BRSK1: variants seen among roughly 807,000 people sequenced by gnomAD.
The protein encoded by BRSK1 is serine/threonine-protein kinase BRSK1.
A neutral mutation model predicts 86.2 loss-of-function variants in BRSK1; 17 were observed. That is an observed-to-expected ratio of 0.20 (90% CI 0.14 to 0.30). BRSK1 has a LOEUF of 0.30. BRSK1 is among the 10% of genes least tolerant of loss of function. The pLI is 1.00. For missense variants in BRSK1, 719 were observed against 1,071.9 expected (o/e 0.67, Z 4.60); for synonymous variants, 464 against 440.1 (o/e 1.05, Z -0.68).
At chr19:55,285,285 G>A (rs2088294107) in intron 1 of BRSK1, among the ~76,000 whole-genome samples, 1 of 152,136 alleles carries the variant, frequency 6.6e-6, no homozygotes, top group South Asian at 2.1e-4. Flanking sequence ...GAGTCTGAGG[G>A]AGGAGGGCGG....
Position 55,304,942 on chromosome 19 carries a change from A to G in BRSK1, c.1717+22A>G. 1 of 1,602,318 alleles carries G rather than the reference A, an allele frequency of 6.2e-7. No individual in the cohort carries two copies. The highest frequency in any genetic ancestry group is 8.5e-7 in the Non-Finnish European group (1 of 1,179,186). On this transcript the variant is annotated intron_variant, in intron 14 of 18. Coordinates refer to ENST00000309383, the MANE Select transcript of BRSK1 (RefSeq NM_032430.2). The surrounding 1 kb of genome is among the most constrained non-coding windows in gnomAD (Gnocchi z 5.2). Reference sequence around the variant, plus strand: ...CAGGGTATGGGGGCATGAACTGCCGAGTCCTAATGTGGGGAGAGGTTGGGG... The same window carrying G: ...CAGGGTATGGGGGCATGAACTGCCGGGTCCTAATGTGGGGAGAGGTTGGGG...
Position 55,284,491 on chromosome 19 carries a change from C to CGGCG in BRSK1, c.49_50insGGCG (p.Leu17ArgfsTer34). ...AGGTGGGGGCTCTCCCGCCTACCAC[C>CGGCG]TCCCCCACCCCCACCCCCACCCACC... On this transcript the variant is annotated frameshift_variant, in exon 1 of 19. Coordinates refer to ENST00000309383, the MANE Select transcript of BRSK1 (RefSeq NM_032430.2). LOFTEE classifies it high-confidence loss of function. 8.8e-7 allele frequency: 1 copy of CGGCG among 1,138,126 alleles called. No homozygotes were observed. The highest frequency in any genetic ancestry group is 1.2e-6 in the Non-Finnish European group (1 of 849,186). 70.5% of individuals were successfully genotyped at this position (1,138,126 alleles called of 1,614,324 possible).
At chr19:55,311,187 C>G (rs1245145155) in intron 18 of BRSK1, among the ~76,000 whole-genome samples, 1 of 152,142 alleles carries the variant, frequency 6.6e-6, no homozygotes, top group Admixed American at 6.5e-5. Context: ...GTCTCAAACT[C>G]CTGACCTCAA....
chr19:55,295,035 C>T (rs2088465187), intron 7 of BRSK1, among the ~76,000 whole-genome samples: 1 of 152,200 alleles, frequency 6.6e-6, no homozygotes, highest in Non-Finnish European at 1.5e-5. Context: ...CTCCTGGCCT[C>T]AAGTGATCCA....
rs1020823727 is a variant in BRSK1 at position 55,303,522 on chromosome 19, C to G, written c.1126+114C>G. On this transcript the variant is annotated intron_variant, in intron 11 of 18. Coordinates refer to ENST00000309383, the MANE Select transcript of BRSK1 (RefSeq NM_032430.2). This position sits in a 1 kb window ranked among gnomAD's most constrained non-coding sequence, Gnocchi z 5.1. ...GGGGCTGCAGGCTCTGAGCTTCCAGCTTTAGACTGCTTGACTTGCTCTTTG... is the reference window on the plus strand; with the variant it reads ...GGGGCTGCAGGCTCTGAGCTTCCAGGTTTAGACTGCTTGACTTGCTCTTTG... The G allele has an allele frequency of 2.7e-6, 4 of 1,477,164 alleles. No homozygotes were observed. In the African/African-American group the frequency reaches 5.6e-5, roughly 21 times the overall value. The allele number at this position is 1,477,164 out of a possible 1,614,324, so 91.5% of individuals were successfully genotyped here.
chr19:55,295,733 C>T (rs1191140567), intron 7 of BRSK1, among the ~76,000 whole-genome samples: 4 of 152,144 alleles, frequency 2.6e-5, no homozygotes, highest in East Asian at 1.9e-4. Context: ...TTCAGGAGGC[C>T]GAGCGGAGGC....
intron 8 of BRSK1, 148 bp from the exon 9 acceptor site, chr19:55,301,989 C>G (rs1600185377): frequency 1.0e-6 from 1 of 998,520 alleles, no homozygotes; most frequent in Non-Finnish European, 1.6e-6. Context: ...TCAGTCGCCA[C>G]TAGAGGGCGA....
intron 4 of BRSK1, among the ~76,000 whole-genome samples, chr19:55,293,543 T>A (rs2088440290): frequency 6.6e-6 from 1 of 150,884 alleles, no homozygotes; most frequent in African/African-American, 2.4e-5. Context: ...CTGGGTGCTG[T>A]GGTTCACACC....
Position 55,284,440 on chromosome 19 carries a change from A to T in BRSK1, c.-3A>T. The T allele has an allele frequency of 8.1e-7, 1 of 1,239,964 alleles. No homozygotes were observed. Among genetic ancestry groups the T allele is most frequent in the South Asian group, 2.2e-5 (1 of 44,472 alleles). 76.8% of individuals were successfully genotyped at this position (1,239,964 alleles called of 1,614,324 possible). On this transcript the variant is annotated 5_prime_UTR_variant, in exon 1 of 19. Coordinates refer to ENST00000309383, the MANE Select transcript of BRSK1 (RefSeq NM_032430.2). Reference sequence around the variant, plus strand: ...GACCGGTCGGGCCGGGACCAAGGGCACCATGTCGTCCGGGGCCAAGGAGGG... The same window carrying T: ...GACCGGTCGGGCCGGGACCAAGGGCTCCATGTCGTCCGGGGCCAAGGAGGG...
At chr19:55,298,319 T>C (rs1297058165) in intron 7 of BRSK1, among the ~76,000 whole-genome samples, 1 of 141,242 alleles carries the variant, frequency 7.1e-6, no homozygotes, top group Non-Finnish European at 1.5e-5. Context: ...ACCTCCTGGG[T>C]TCAAGTTATT....
chr19:55,297,585 T>C (rs553427031), intron 7 of BRSK1, among the ~76,000 whole-genome samples: 1 of 152,128 alleles, frequency 6.6e-6, no homozygotes, highest in Non-Finnish European at 1.5e-5. Context: ...CACCACTCCA[T>C]GGGGAGAGCA....
chr19:55,305,000 C>G lies in BRSK1; in HGVS notation c.1717+80C>G, dbSNP rs2088628213. On this transcript the variant is annotated intron_variant, in intron 14 of 18. Transcript: ENST00000309383. This position sits in a 1 kb window ranked among gnomAD's most constrained non-coding sequence, Gnocchi z 5.2. Reference sequence around the variant, plus strand: ...TCTGGTTCCAGGGATGTCCGTCTGGCGTGTCTAGAGAGGAAGGGACTGGGG... The same window carrying G: ...TCTGGTTCCAGGGATGTCCGTCTGGGGTGTCTAGAGAGGAAGGGACTGGGG... 5.7e-6 allele frequency: 9 copies of G among 1,567,370 alleles called. No homozygotes were observed. In the South Asian group the frequency reaches 1.0e-4, roughly 18 times the overall value.
chr19:55,305,763 G>A (rs1230875059), intron 16 of BRSK1, among the ~76,000 whole-genome samples, 177 bp downstream of exon 16: 1 of 152,164 alleles, frequency 6.6e-6, no homozygotes, highest in Admixed American at 6.5e-5. Context: ...CGTGGCCAGA[G>A]GCCTGGAATT....
chr19:55,296,575 G>A lies in BRSK1; in HGVS notation c.678+2178G>A, dbSNP rs569644573. Among the ~76,000 whole-genome samples the A allele has an allele frequency of 1.6e-3, 243 of 152,108 alleles. 2 individuals carry two copies. Among genetic ancestry groups the A allele is most frequent in the Admixed American group, 0.013 (204 of 15,252 alleles). ...AAAGTAGCCAGGCATTGCCGGGCGC[G>A]GTGGCTCACGCCTGTAATCACAGCA... On this transcript the variant is annotated intron_variant, in intron 7 of 18. Transcript: ENST00000309383.
rs780234706 is a variant in BRSK1, at chr19:55,304,769, C to A, written c.1566C>A (p.His522Gln). 3 of 1,548,666 alleles carry A rather than the reference C, an allele frequency of 1.9e-6. No individual in the cohort carries two copies. In the South Asian group the frequency reaches 3.5e-5, roughly 18 times the overall value. The change falls in exon 14 of 19, where the codon CAC becomes CAA. Residue 522 changes from histidine (H) to glutamine (Q), a missense_variant. His to Gln is a conservative substitution (Grantham distance 24, BLOSUM62 0). This residue lies in a region of BRSK1 where 143 missense variants were observed against 120.1 expected (regional missense o/e 1.19). Transcript: ENST00000309383. This position sits in a 1 kb window ranked among gnomAD's most constrained non-coding sequence, Gnocchi z 5.2. ...SGGTPLHSPL[H>Q]TPRASPTGTP... ...GGACCCCCTTGCACTCGCCTCTGCA[C>A]ACGCCCCGGGCCAGTCCCACCGGGA...
chr19:55,289,407 T>C (rs2088370695), intron 3 of BRSK1, 73 bp from the exon 4 acceptor site: 1 of 1,522,610 alleles, frequency 6.6e-7, no homozygotes, highest in African/African-American at 1.4e-5. Flanking sequence ...CAGGAGCCAG[T>C]GGAAGTGGGA....
intron 18 of BRSK1, 24 bp from the exon 19 acceptor site, chr19:55,311,887 G>A (rs766718500): frequency 2.5e-6 from 4 of 1,609,462 alleles, no homozygotes; most frequent in Middle Eastern, 3.3e-4. Context: ...CGGAACCCAC[G>A]AAAAACCTCT....
Position 55,308,682 on chromosome 19 carries a change from A to G in BRSK1, c.2133A>G (p.Ala711=), listed in dbSNP as rs779392484. ...RFKRVVETIQ[A]QLLSTHDQPS... ...AGCGAGTGGTGGAGACCATCCAGGC[A>G]CAGCTCCTGAGCACTCATGACCAGC... Residue 711 remains alanine (A), a synonymous_variant, in exon 18 of 19, where the codon GCA becomes GCG. Transcript: ENST00000309383. The G allele has an allele frequency of 6.2e-7, 1 of 1,605,756 alleles. No homozygotes were observed. The highest frequency in any genetic ancestry group is 8.5e-7 in the Non-Finnish European group (1 of 1,176,734).
rs1313051876 is a variant in BRSK1, at chr19:55,294,653, C to G, written c.678+256C>G. 2.0e-5 allele frequency among the ~76,000 whole-genome samples: 3 copies of G among 152,036 alleles called. No individual in the cohort carries two copies. The highest frequency in any genetic ancestry group is 4.4e-5 in the Non-Finnish European group (3 of 68,022). ...AGTAGCTGGGATTGCAGGCGCCCAC[C>G]ACCACTTCCAGATAATTTTTGAATT... is the stretch of plus-strand genomic sequence containing the variant. On this transcript the variant is annotated intron_variant, in intron 7 of 18. Transcript: ENST00000309383. This position sits in a 1 kb window ranked among gnomAD's most constrained non-coding sequence, Gnocchi z 4.9.
Sources: gnomAD v4.1 joint callset for allele counts (sites outside exome capture counted in the v4.1 genomes callset) on GRCh38, gnomAD v4.1.1 for gene constraint, gnomAD v4.1.1 regional missense constraint, Gnocchi (gnomAD v3.1) non-coding constraint, MANE v1.5 for transcripts, NCBI Gene and HGNC (gene_info 2026-07-23, HGNC 2026-07-21) for gene names.